PFKFB3: variants seen among roughly 807,000 people sequenced by gnomAD.
PFKFB3 encodes the protein 6-phosphofructo-2-kinase/fructose-2,6-biphosphatase 3, also known as 6-phosphofructo-2-kinase/fructose-2,6-bisphosphatase 3.
Under a neutral mutation model 68.0 loss-of-function variants are expected in PFKFB3, and 33 were observed. That is an observed-to-expected ratio of 0.49 (90% CI 0.37 to 0.65). The LOEUF (loss-of-function observed/expected upper bound fraction) is 0.65. Among genes scored for constraint, PFKFB3 ranks in the 30% least tolerant of loss-of-function variants. PFKFB3 has a pLI of 0.00. For missense variants in PFKFB3, 586 were observed against 712.2 expected (o/e 0.82, Z 2.02); for synonymous variants, 315 against 288.2 (o/e 1.09, Z -0.94).
chr10:6,274,465 G>A, the PFKFB3 span, among the ~76,000 whole-genome samples: 1 of 152,324 alleles, frequency 6.6e-6, no homozygotes, highest in East Asian at 1.9e-4. Context: ...AGAAATATAT[G>A]TACCACTTTA....
intron 13 of PFKFB3, 30 bp from the exon 14 acceptor site, chr10:6,226,162 C>CT (rs775590451): frequency 6.5e-7 from 1 of 1,529,934 alleles, no homozygotes; most frequent in East Asian, 2.4e-5. Flanking sequence ...TAACTGTCGC[C>CT]TTTCTCTCTT....
chr10:6,214,497 T>C (rs2131941378), intron 2 of PFKFB3, among the ~76,000 whole-genome samples: 1 of 152,210 alleles, frequency 6.6e-6, no homozygotes, highest in Admixed American at 6.5e-5. Context: ...GGGAACATCT[T>C]GTGGATAGGC....
At chr10:6,232,546 GTT>G (rs1845811160) in intron 14 of PFKFB3, among the ~76,000 whole-genome samples, 1 of 152,162 alleles carries the variant, frequency 6.6e-6, no homozygotes, top group Admixed American at 6.5e-5. Context: ...CCTGGCTGTG[GTT>G]TGTGGGATTT....
chr10:6,208,082 A>G (rs1395792886), intron 1 of PFKFB3, among the ~76,000 whole-genome samples: 1 of 152,070 alleles, frequency 6.6e-6, no homozygotes, highest in African/African-American at 2.4e-5. Flanking sequence ...TAAAGCACCA[A>G]ACTTTGTTTT....
chr10:6,188,564 T>TG lies in PFKFB3; in HGVS notation c.17-25059_17-25058insG, dbSNP rs567644048. Among the ~76,000 whole-genome samples the TG allele has an allele frequency of 1.4e-3, 219 of 152,180 alleles. 1 individual carries two copies. The highest frequency in any genetic ancestry group is 4.9e-3 in the African/African-American group (202 of 41,526). ...TACAGTTCAGTAGTGTTAGATGTAT[T>TG]CACGCCATTGTGCAATAGATCTCTA... On this transcript the variant is annotated intron_variant, in intron 1 of 14. Transcript: ENST00000379789.
At chr10:6,292,266 CTTTTTTTTTTTCTTT>C in the PFKFB3 span, among the ~76,000 whole-genome samples, 6 of 107,264 alleles carry the variant, frequency 5.6e-5, no homozygotes, top group African/African-American at 2.2e-4. Context: ...AACCAGTGTA[CTTTTTTTTTTTCTTT>C]TTTTTTTTTT....
Position 6,229,277 on chromosome 10 carries a change from A to T in PFKFB3, c.1515+2912A>T, listed in dbSNP as rs1845574122. 1 of 432,904 alleles carries T rather than the reference A, an allele frequency of 2.3e-6. No individual in the cohort carries two copies. Among genetic ancestry groups the T allele is most frequent in the African/African-American group, 2.0e-5 (1 of 49,136 alleles). The allele number at this position is 432,904 out of a possible 1,614,324, so 26.8% of individuals were successfully genotyped here. A position where few individuals can be genotyped will look rare whatever the true frequency, so the allele number is the denominator to read the frequency against. On this transcript the variant is annotated intron_variant, in intron 14 of 14. Coordinates refer to ENST00000379775, the MANE Select transcript of PFKFB3 (RefSeq NM_004566.4). The surrounding 1 kb of genome is among the most constrained non-coding windows in gnomAD (Gnocchi z 4.3). ...CCACGTTCCTTAAGACCACCCTGGG[A>T]GGTCGGCAGGGCAGTCAGTCCCCCG...
chr10:6,233,266 C>T lies in PFKFB3; in HGVS notation c.*324C>T, dbSNP rs929197974. 8 of 283,606 alleles carry T rather than the reference C, an allele frequency of 2.8e-5. No individual in the cohort carries two copies. Among genetic ancestry groups the T allele is most frequent in the African/African-American group, 8.7e-5 (4 of 45,882 alleles). 17.6% of individuals were successfully genotyped at this position (283,606 alleles called of 1,614,324 possible). On this transcript the variant is annotated 3_prime_UTR_variant, in exon 15 of 15. Transcript: ENST00000379775. ...ATGAGTGCTGGTCCTGACAGGAGGC[C>T]GCTGGGGACACTGTGCTGTTTTGTT... is the stretch of plus-strand genomic sequence containing the variant.
the PFKFB3 span, chr10:6,294,310 T>G: frequency 4.4e-6 from 2 of 455,368 alleles, no homozygotes; most frequent in Non-Finnish European, 8.8e-6. Flanking sequence ...TACCTGAGAC[T>G]TGGTAATTTA....
chr10:6,192,366 CT>C (rs149846128), intron 1 of PFKFB3, among the ~76,000 whole-genome samples: 8,464 of 112,794 alleles, frequency 0.075, 327 homozygotes, highest in African/African-American at 0.14. Context: ...TTTCTTTCTT[CT>C]TTTTTTTTTT....
chr10:6,237,669 C>T (rs1212371515), downstream of PFKFB3, among the ~76,000 whole-genome samples: 1 of 152,068 alleles, frequency 6.6e-6, no homozygotes, highest in Non-Finnish European at 1.5e-5. Context: ...GGGCTCAAGT[C>T]ATCCTCCCAC....
At chr10:6,240,517 G>A (rs1309013059), downstream of PFKFB3, among the ~76,000 whole-genome samples, 1 of 152,148 alleles carries the variant, frequency 6.6e-6, no homozygotes, top group Non-Finnish European at 1.5e-5. Context: ...GCCCGCCTCA[G>A]CCTCACAATG....
the PFKFB3 span, among the ~76,000 whole-genome samples, chr10:6,297,910 A>G: frequency 6.6e-6 from 1 of 152,136 alleles, no homozygotes; most frequent in African/African-American, 2.4e-5. Context: ...TCTTCTGCTG[A>G]TGACTTCCTG....
chr10:6,202,712 A>AGGGCTGGGCGCGCTCCAGGCCCG (rs1460562139), upstream of PFKFB3: 1 of 193,606 alleles, frequency 5.2e-6, no homozygotes, highest in East Asian at 1.9e-4. Context: ...ACCCTTCAGC[A>AGGGCTGGGCGCGCTCCAGGCCCG]GGGCTGGGCG....
In PFKFB3 at chr10:6,215,237, G is replaced by T. The variant is rs1844487846; in HGVS notation, c.219G>T (p.Glu73Asp). ...CGTCCACAGTGTTCAACGTCGGGGA[G>T]TATCGCCGGGAGGCTGTGAAGCAGT... ...GVPTKVFNVG[E>D]YRREAVKQYS... The change falls in exon 3 of 15, where the codon GAG becomes GAT. Residue 73 changes from glutamate to aspartate, a missense_variant. Transcript: ENST00000379775. The surrounding 1 kb of genome is among the most constrained non-coding windows in gnomAD (Gnocchi z 4.3). 6.2e-7 allele frequency: 1 copy of T among 1,613,874 alleles called. No individual in the cohort carries two copies. Among genetic ancestry groups the T allele is most frequent in the Admixed American group, 1.7e-5 (1 of 60,006 alleles).
chr10:6,269,696 G>A, the PFKFB3 span, among the ~76,000 whole-genome samples: 2 of 152,064 alleles, frequency 1.3e-5, no homozygotes, highest in African/African-American at 4.8e-5. Flanking sequence ...TCTTCCCAGG[G>A]GTAGACATTA....
chr10:6,201,527 C>A (rs1843352315), upstream of PFKFB3, among the ~76,000 whole-genome samples: 1 of 150,194 alleles, frequency 6.7e-6, no homozygotes, highest in Admixed American at 6.6e-5. The surrounding 1 kb of genome is among the most constrained non-coding windows in gnomAD (Gnocchi z 4.1). Flanking sequence ...CGTTCCGGGG[C>A]CCCTCGGCAG....
intron 14 of PFKFB3, among the ~76,000 whole-genome samples, 195 bp from the exon 15 acceptor site, chr10:6,232,700 C>T (rs1264229623): frequency 6.6e-6 from 1 of 151,330 alleles, no homozygotes; most frequent in East Asian, 2.0e-4. Flanking sequence ...CTGGGGTTAT[C>T]TTGCGTCATG....
rs1844484256 is a variant in PFKFB3 at position 6,215,201 on chromosome 10, G to A, written c.203-20G>A. ...TTCCTCCTGCTCGATCATCCAGACT[G>A]TTCTCTTTCCCGTCCACAGTGTTCA... On this transcript the variant is annotated intron_variant, in intron 2 of 14. Transcript: ENST00000379775. The surrounding 1 kb of genome is among the most constrained non-coding windows in gnomAD (Gnocchi z 4.3). 6.2e-7 allele frequency: 1 copy of A among 1,608,218 alleles called. No individual in the cohort carries two copies. Among genetic ancestry groups the A allele is most frequent in the Non-Finnish European group, 8.5e-7 (1 of 1,174,824 alleles).
Sources: allele counts gnomAD v4.1 joint callset (sites outside exome capture counted in the v4.1 genomes callset), GRCh38; gene constraint gnomAD v4.1.1; non-coding constraint Gnocchi (gnomAD v3.1); transcripts MANE v1.5; gene names NCBI Gene and HGNC (gene_info 2026-07-23, HGNC 2026-07-21).